The following COMMD10 variants were observed in gnomAD, a reference collection of about 807,000 sequenced individuals.
COMMD10 encodes the protein COMM domain containing 10, also known as COMM domain-containing protein 10.
In COMMD10, 33 loss-of-function variants were observed where a neutral mutation model predicts 28.9. The ratio of observed to expected loss-of-function variants is 1.14; its 90% CI spans 0.87 to 1.53. The LOEUF (loss-of-function observed/expected upper bound fraction) is 1.53, where lower values mean the gene tolerates loss of function less well. COMMD10 is among the 40% of genes most tolerant of loss of function. COMMD10 has a pLI of 0.00. For synonymous variants in COMMD10, 110 were observed against 81.7 expected (o/e 1.35, Z -1.87); for missense variants, 310 against 233.4 (o/e 1.33, Z -2.14).
chr5:116,254,283 G>A (rs1194288249), intron 5 of COMMD10, among the ~76,000 whole-genome samples: 3 of 151,506 alleles, frequency 2.0e-5, no homozygotes, highest in Admixed American at 2.0e-4. Flanking sequence ...AGGTTTTTTT[G>A]TGTCTGTATT....
At chr5:116,167,505 A>G (rs1036932649) in intron 5 of COMMD10, among the ~76,000 whole-genome samples, 2 of 152,110 alleles carry the variant, frequency 1.3e-5, no homozygotes, top group African/African-American at 4.8e-5. Context: ...CACCACAAAG[A>G]TACTCCTCGA....
At chr5:116,229,987 C>T (rs551801048) in intron 5 of COMMD10, among the ~76,000 whole-genome samples, 1 of 151,904 alleles carries the variant, frequency 6.6e-6, no homozygotes, top group African/African-American at 2.4e-5. Flanking sequence ...TCAAGACTAG[C>T]TTACTCCCTG....
intron 5 of COMMD10, among the ~76,000 whole-genome samples, chr5:116,139,248 T>G (rs916798574): frequency 4.6e-5 from 7 of 151,796 alleles, no homozygotes; most frequent in Middle Eastern, 3.2e-3. Context: ...TTGAAACAAT[T>G]TTACATTTTT....
intron 5 of COMMD10, among the ~76,000 whole-genome samples, chr5:116,135,756 A>C (rs1423891479): frequency 2.0e-5 from 3 of 152,196 alleles, no homozygotes; most frequent in African/African-American, 7.2e-5. Context: ...ATGGGAAAAA[A>C]CAGTATATAT....
chr5:116,265,116 T>G (rs1750552151), intron 5 of COMMD10, among the ~76,000 whole-genome samples: 1 of 151,802 alleles, frequency 6.6e-6, no homozygotes, highest in African/African-American at 2.4e-5. Context: ...GCATTATTGG[T>G]GGTCTGTGTT....
intron 4 of COMMD10, among the ~76,000 whole-genome samples, chr5:116,131,300 G>T (rs1209374708): frequency 2.6e-5 from 4 of 151,934 alleles, no homozygotes; most frequent in Non-Finnish European, 5.9e-5. Context: ...ATGAAAGCTA[G>T]GGTAATGTTT....
At chr5:116,208,205 G>A (rs1197604282) in intron 5 of COMMD10, among the ~76,000 whole-genome samples, 1 of 152,188 alleles carries the variant, frequency 6.6e-6, no homozygotes, top group East Asian at 1.9e-4. Flanking sequence ...GGAACATACA[G>A]GTTAGTATCT....
chr5:116,210,812 C>T (rs1005482524), intron 5 of COMMD10, among the ~76,000 whole-genome samples: 4 of 151,962 alleles, frequency 2.6e-5, no homozygotes, highest in Non-Finnish European at 4.4e-5. Flanking sequence ...CACAATCATT[C>T]GTCATAGGTA....
intron 5 of COMMD10, among the ~76,000 whole-genome samples, chr5:116,225,237 T>A (rs966541827): frequency 7.2e-5 from 11 of 152,010 alleles, no homozygotes; most frequent in Non-Finnish European, 1.3e-4. Context: ...TTATAATAGC[T>A]TTTTTGAATT....
chr5:116,246,019 C>G (rs570001564), intron 5 of COMMD10, among the ~76,000 whole-genome samples: 12 of 152,168 alleles, frequency 7.9e-5, no homozygotes, highest in African/African-American at 2.9e-4. Context: ...AAAGGGCATC[C>G]AAATAGGAAG....
chr5:116,204,653 T>TA (rs1748765243), intron 5 of COMMD10, among the ~76,000 whole-genome samples: 1 of 152,256 alleles, frequency 6.6e-6, no homozygotes, highest in Non-Finnish European at 1.5e-5. Flanking sequence ...AAGATGCAAA[T>TA]AAAAAATCAC....
At chr5:116,276,082 A>G (rs1750903863) in intron 5 of COMMD10, among the ~76,000 whole-genome samples, 1 of 151,338 alleles carries the variant, frequency 6.6e-6, no homozygotes, top group South Asian at 2.1e-4. Context: ...GCACCAAAGC[A>G]AGCAGCAGGT....
chr5:116,091,414 T>G (rs1463952934), intron 3 of COMMD10, among the ~76,000 whole-genome samples: 1 of 152,214 alleles, frequency 6.6e-6, no homozygotes, highest in Non-Finnish European at 1.5e-5. Context: ...AGATTTTAAT[T>G]CATTGGTACT....
chr5:116,235,161 C>A (rs1039723520), intron 5 of COMMD10, among the ~76,000 whole-genome samples: 5 of 152,242 alleles, frequency 3.3e-5, no homozygotes, highest in Non-Finnish European at 7.4e-5. Context: ...CAAACTGATA[C>A]AATTGAGAAG....
chr5:116,164,389 T>C (rs1413539665), intron 5 of COMMD10, among the ~76,000 whole-genome samples: 1 of 152,188 alleles, frequency 6.6e-6, no homozygotes, highest in Non-Finnish European at 1.5e-5. Flanking sequence ...GGTTAATTTT[T>C]CCCCTACCTC....
intron 4 of COMMD10, among the ~76,000 whole-genome samples, chr5:116,114,010 G>T (rs908453406): frequency 6.6e-6 from 1 of 151,746 alleles, no homozygotes; most frequent in East Asian, 1.9e-4. Context: ...CTGGGTGTGC[G>T]CATTGGTGAA....
intron 5 of COMMD10, among the ~76,000 whole-genome samples, chr5:116,221,283 C>G (rs1346690581): frequency 6.6e-6 from 1 of 152,078 alleles, no homozygotes; most frequent in East Asian, 1.9e-4. Flanking sequence ...TTGCCCTCTA[C>G]TATCTCCTTA....
At chr5:116,158,946 A>G (rs1030913336) in intron 5 of COMMD10, among the ~76,000 whole-genome samples, 4 of 151,228 alleles carry the variant, frequency 2.6e-5, no homozygotes, top group African/African-American at 4.9e-5. Context: ...CAGTCTTGTC[A>G]CAGGGACTAG....
chr5:116,225,578 T>TC (rs2112648896), intron 5 of COMMD10, among the ~76,000 whole-genome samples: 1 of 152,134 alleles, frequency 6.6e-6, no homozygotes, highest in African/African-American at 2.4e-5. Flanking sequence ...CACCTATAGG[T>TC]CCCCCTTGTA....
Sources: gnomAD v4.1 joint callset for allele counts (sites outside exome capture counted in the v4.1 genomes callset) on GRCh38, gnomAD v4.1.1 for gene constraint, MANE v1.5 for transcripts, NCBI Gene and HGNC (gene_info 2026-07-23, HGNC 2026-07-21) for gene names.